Variants in PTPRK observed in about 807,000 individuals in gnomAD.
PTPRK encodes protein tyrosine phosphatase receptor type K.
PTPRK carries 75 observed loss-of-function variants against 178.0 expected under a neutral mutation model. The ratio of observed to expected loss-of-function variants is 0.42; its 90% confidence interval spans 0.35 to 0.51. The LOEUF is 0.51. PTPRK is among the 20% of genes least tolerant of loss of function. The pLI, the probability that PTPRK is intolerant of heterozygous loss-of-function variation, is 0.02. For synonymous variants in PTPRK, 637 were observed against 620.6 expected (o/e 1.03, Z -0.39); for missense variants, 1,441 against 1,797.8 (o/e 0.80, Z 3.59).
intron 7 of PTPRK, among the ~76,000 whole-genome samples, chr6:128,171,861 A>T (rs1403060849): frequency 6.6e-6 from 1 of 151,998 alleles, no homozygotes; most frequent in African/African-American, 2.4e-5. Flanking sequence ...AAGTATATGT[A>T]TACATGTTTC....
At chr6:128,516,608 T>G (rs998203904) in intron 1 of PTPRK, among the ~76,000 whole-genome samples, 1 of 151,826 alleles carries the variant, frequency 6.6e-6, no homozygotes, top group Non-Finnish European at 1.5e-5. Flanking sequence ...CAACAAGGAG[T>G]CAGATACTGC....
intron 6 of PTPRK, among the ~76,000 whole-genome samples, chr6:128,212,543 A>G (rs1476729726): frequency 6.6e-6 from 1 of 152,078 alleles, no homozygotes; most frequent in African/African-American, 2.4e-5. Context: ...CCAAGAGAAG[A>G]GAATTGAAAC....
chr6:128,507,619 G>T (rs1212386543), intron 1 of PTPRK, among the ~76,000 whole-genome samples: 3 of 152,144 alleles, frequency 2.0e-5, no homozygotes, highest in Non-Finnish European at 4.4e-5. Context: ...AGGGCAATGG[G>T]CTACAGAAGC....
chr6:128,082,841 T>C (rs1376621297), intron 9 of PTPRK, among the ~76,000 whole-genome samples: 2 of 152,030 alleles, frequency 1.3e-5, no homozygotes, highest in Non-Finnish European at 2.9e-5. Flanking sequence ...TATCTACAGA[T>C]ACACCGGAGT....
intron 13 of PTPRK, among the ~76,000 whole-genome samples, chr6:128,040,086 G>A (rs1184673787): frequency 6.6e-6 from 1 of 152,130 alleles, no homozygotes; most frequent in African/African-American, 2.4e-5. Context: ...GCCTGAATTA[G>A]ATAAGGCGAA....
chr6:128,133,400 AT>A (rs1300017108), intron 7 of PTPRK, among the ~76,000 whole-genome samples: 2 of 152,184 alleles, frequency 1.3e-5, no homozygotes, highest in Non-Finnish European at 2.9e-5. Flanking sequence ...GGTATTTCTC[AT>A]TTTTATGGAC....
chr6:128,465,832 T>A (rs1042525818), intron 1 of PTPRK, among the ~76,000 whole-genome samples: 4 of 152,080 alleles, frequency 2.6e-5, no homozygotes, highest in African/African-American at 9.7e-5. Flanking sequence ...CCCACACCTG[T>A]GCCCAAGCTC....
At chr6:128,189,805 T>C (rs539634095) in intron 6 of PTPRK, among the ~76,000 whole-genome samples, 1 of 152,192 alleles carries the variant, frequency 6.6e-6, no homozygotes, top group African/African-American at 2.4e-5. Context: ...GTGTTTCTCA[T>C]TGTTTAATTT....
At position 128,520,261 on chromosome 6, in the gene PTPRK, G is replaced by A; in HGVS notation, c.98C>T (p.Ala33Val). ...GGGGACGCCCCCCGGCCACTCACCTGCGGAGAACTGGCCTTGGGCCGATCC... is the reference window on the plus strand; with the variant it reads ...GGGGACGCCCCCCGGCCACTCACCTACGGAGAACTGGCCTTGGGCCGATCC... ...LLGSAQGQFS[A>V]GGCTFDDGPG... The change falls in exon 1 of 30, where the codon GCA (alanine) becomes GTA (valine). Residue 33 changes from alanine (A) to valine (V), a missense_variant and splice_region_variant. Around this residue, in one of 4 missense-constraint regions of PTPRK, gnomAD observed 158 missense variants for 188.0 expected, o/e 0.84. Transcript: ENST00000368226. 6.3e-7 allele frequency: 1 copy of A among 1,593,764 alleles called. No individual in the cohort carries two copies. Among genetic ancestry groups the A allele is most frequent in the Non-Finnish European group, 8.5e-7 (1 of 1,169,984 alleles).
chr6:128,337,312 G>T (rs1440205445), intron 2 of PTPRK, among the ~76,000 whole-genome samples: 1 of 152,162 alleles, frequency 6.6e-6, no homozygotes, highest in African/African-American at 2.4e-5. Flanking sequence ...TCCATCAGTG[G>T]AAGTGTTGAT....
At chr6:128,152,000 A>G (rs756584673) in intron 7 of PTPRK, among the ~76,000 whole-genome samples, 2 of 152,004 alleles carry the variant, frequency 1.3e-5, no homozygotes, top group Non-Finnish European at 2.9e-5. Flanking sequence ...GTTTGATGGA[A>G]AAGGTCCCTG....
At chr6:128,066,266 A>T (rs1781736768) in intron 12 of PTPRK, among the ~76,000 whole-genome samples, 2 of 152,188 alleles carry the variant, frequency 1.3e-5, no homozygotes, top group Admixed American at 6.6e-5. Context: ...TGGACACTGG[A>T]CTACTCTCTA....
At chr6:128,476,732 T>C (rs140854291) in intron 1 of PTPRK, among the ~76,000 whole-genome samples, 139 of 152,128 alleles carry the variant, frequency 9.1e-4, no homozygotes, top group African/African-American at 3.2e-3. Flanking sequence ...TTCATTTTGG[T>C]TTGATTCAGC....
At chr6:128,081,111 T>C (rs1173090927) in intron 10 of PTPRK, among the ~76,000 whole-genome samples, 2 of 152,074 alleles carry the variant, frequency 1.3e-5, no homozygotes, top group Admixed American at 6.6e-5. Context: ...TAGCTGTCTC[T>C]ATTGAAAGAT....
intron 13 of PTPRK, among the ~76,000 whole-genome samples, chr6:128,044,217 C>T (rs968705441): frequency 2.0e-5 from 3 of 152,056 alleles, no homozygotes; most frequent in African/African-American, 7.2e-5. Context: ...CTTAGTCGCA[C>T]ATGCCAAAAA....
intron 13 of PTPRK, among the ~76,000 whole-genome samples, chr6:128,026,821 C>T (rs1256922087): frequency 6.6e-6 from 1 of 152,148 alleles, no homozygotes; most frequent in Non-Finnish European, 1.5e-5. Context: ...AACACTCCAA[C>T]CAGTGTCCTA....
At chr6:128,123,236 G>A (rs1213079303) in intron 7 of PTPRK, among the ~76,000 whole-genome samples, 1 of 152,122 alleles carries the variant, frequency 6.6e-6, no homozygotes, top group Non-Finnish European at 1.5e-5. Context: ...AGGCAAGGGA[G>A]CATTGTCCCT....
chr6:128,045,389 A>G (rs1777879836), intron 13 of PTPRK, among the ~76,000 whole-genome samples: 1 of 152,026 alleles, frequency 6.6e-6, no homozygotes. Context: ...ACTACTTTTT[A>G]AACCTATTTT....
At chr6:128,263,029 T>A (rs1818413395) in intron 3 of PTPRK, among the ~76,000 whole-genome samples, 1 of 151,862 alleles carries the variant, frequency 6.6e-6, no homozygotes. Context: ...GGCAGAGAAG[T>A]CCAGTACTGA....
Sources: allele counts gnomAD v4.1 joint callset (sites outside exome capture counted in the v4.1 genomes callset), GRCh38; gene constraint gnomAD v4.1.1; regional missense constraint gnomAD v4.1.1; transcripts MANE v1.5; gene names NCBI Gene and HGNC (gene_info 2026-07-23, HGNC 2026-07-21).